The following ALKBH8 variants were observed in gnomAD, a reference collection of about 807,000 sequenced individuals.
The protein encoded by ALKBH8 is tRNA (carboxymethyluridine(34)-5-O)-methyltransferase ALKBH8.
Under a neutral mutation model 59.8 loss-of-function variants are expected in ALKBH8, and 36 were observed. The observed-to-expected ratio is 0.60, with a 90% CI of 0.46 to 0.79. ALKBH8 has a LOEUF of 0.79. ALKBH8 is among the 30% of genes least tolerant of loss of function. The pLI, the probability that ALKBH8 is intolerant of heterozygous loss-of-function variation, is 0.00. For missense variants in ALKBH8, 768 were observed against 801.0 expected, an observed-to-expected ratio of 0.96 and a Z score of 0.50; for synonymous variants, 276 against 273.6, an observed-to-expected ratio of 1.01 and a Z score of -0.09.
intron 2 of ALKBH8, among the ~76,000 whole-genome samples, chr11:107,560,199 C>T (rs1864881520): frequency 6.6e-6 from 1 of 152,118 alleles, no homozygotes; most frequent in South Asian, 2.1e-4. Context: ...TCTCACGATC[C>T]TCACATTTAT....
At chr11:107,557,546 T>C (rs1289887761) in intron 2 of ALKBH8, among the ~76,000 whole-genome samples, 1 of 152,148 alleles carries the variant, frequency 6.6e-6, no homozygotes, top group African/African-American at 2.4e-5. Flanking sequence ...ATCCGCACTT[T>C]TAATATAACC....
chr11:107,505,188 T>C lies in ALKBH8; in HGVS notation c.1465A>G (p.Ile489Val). 6.5e-7 allele frequency: 1 copy of C among 1,547,714 alleles called. No individual in the cohort carries two copies. The highest frequency in any genetic ancestry group is 1.4e-5 in the African/African-American group (1 of 72,972). ...AERRVAALQE[I>V]VRLLRPGGKA... The stretch of plus-strand genomic sequence containing the variant: ...CCACCTGGTCTCAGGAGTCGAACAA[T>C]TTCTTGGAGAGCTGCCACTCTACGC... The change falls in exon 12 of 12, where the codon ATT becomes GTT. Residue 489 changes from isoleucine to valine, a missense_variant. By Grantham distance (29) the Ile-to-Val change is conservative. Coordinates refer to ENST00000428149, the MANE Select transcript of ALKBH8 (RefSeq NM_138775.3).
At chr11:107,533,572 G>A (rs957860929) in intron 7 of ALKBH8, among the ~76,000 whole-genome samples, 1 of 152,118 alleles carries the variant, frequency 6.6e-6, no homozygotes, top group Admixed American at 6.5e-5. Flanking sequence ...TGTTCCAGAT[G>A]TCTACATATA....
intron 7 of ALKBH8, among the ~76,000 whole-genome samples, chr11:107,532,668 C>T (rs901032546): frequency 1.3e-5 from 2 of 152,184 alleles, no homozygotes; most frequent in Non-Finnish European, 2.9e-5. Flanking sequence ...ATCTAATAAT[C>T]ACCCCAAGAA....
intron 3 of ALKBH8, among the ~76,000 whole-genome samples, chr11:107,555,950 A>G (rs1162976966): frequency 1.3e-5 from 2 of 152,234 alleles, no homozygotes; most frequent in East Asian, 1.9e-4. Context: ...CATTTCTACC[A>G]TCACAGGAAG....
chr11:107,522,637 A>G (rs145855865), intron 9 of ALKBH8, 82 bp from the exon 10 acceptor site: 2 of 1,418,192 alleles, frequency 1.4e-6, no homozygotes, highest in African/African-American at 2.9e-5. Context: ...GAAAAAAAAA[A>G]ATCAATGCAA....
At chr11:107,517,145 A>G (rs1318072773) in intron 10 of ALKBH8, among the ~76,000 whole-genome samples, 1 of 152,274 alleles carries the variant, frequency 6.6e-6, no homozygotes, top group East Asian at 1.9e-4. Context: ...AGACATACAA[A>G]TGGCCAAGTA....
intron 7 of ALKBH8, among the ~76,000 whole-genome samples, chr11:107,548,322 G>C (rs776116113): frequency 5.9e-5 from 9 of 152,208 alleles, no homozygotes; most frequent in African/African-American, 1.7e-4. Context: ...CAGAGGTGAA[G>C]TATTAACAAG....
chr11:107,519,733 G>T (rs1023579881), intron 10 of ALKBH8, among the ~76,000 whole-genome samples: 1 of 152,084 alleles, frequency 6.6e-6, no homozygotes, highest in African/African-American at 2.4e-5. Flanking sequence ...AAAAGTTTCA[G>T]ATTTTGTAGC....
At chr11:107,526,092 T>C (rs984402503) in intron 8 of ALKBH8, among the ~76,000 whole-genome samples, 3 of 152,036 alleles carry the variant, frequency 2.0e-5, no homozygotes, top group African/African-American at 4.8e-5. Context: ...TTTGGATATA[T>C]AGTTTTATTC....
chr11:107,550,548 C>T (rs1010682234), intron 6 of ALKBH8, among the ~76,000 whole-genome samples: 1 of 152,184 alleles, frequency 6.6e-6, no homozygotes, highest in African/African-American at 2.4e-5. Flanking sequence ...GGCCTCTGTG[C>T]TCTACAGGAA....
At chr11:107,533,946 T>G (rs1301079640) in intron 7 of ALKBH8, among the ~76,000 whole-genome samples, 2 of 152,092 alleles carry the variant, frequency 1.3e-5, no homozygotes, top group Non-Finnish European at 2.9e-5. Context: ...CTGGCCAACA[T>G]GGAGAAACCC....
In ALKBH8 at chr11:107,516,478, G is replaced by C. The variant is rs541389919; in HGVS notation, c.1288-5442C>G. On this transcript the variant is annotated intron_variant, in intron 10 of 11. Transcript: ENST00000428149. Reference sequence around the variant, plus strand: ...CTCAAAATGGATGAAAGGCTTAAATGTAAGACCTGAAATTATGAAACTACT... The same window carrying C: ...CTCAAAATGGATGAAAGGCTTAAATCTAAGACCTGAAATTATGAAACTACT... Among the ~76,000 whole-genome samples the C allele has an allele frequency of 3.5e-4, 54 of 152,320 alleles. No homozygotes were observed. The South Asian group carries it at 0.011, about 30-fold the overall frequency.
At chr11:107,558,653 G>A (rs1864809902) in intron 2 of ALKBH8, among the ~76,000 whole-genome samples, 1 of 152,154 alleles carries the variant, frequency 6.6e-6, no homozygotes, top group African/African-American at 2.4e-5. Context: ...TGCGGTAGAA[G>A]AGGAGAGGAA....
intron 10 of ALKBH8, among the ~76,000 whole-genome samples, chr11:107,516,025 C>T (rs1187314289): frequency 6.6e-6 from 1 of 152,152 alleles, no homozygotes; most frequent in Non-Finnish European, 1.5e-5. Flanking sequence ...ATAATAACCA[C>T]CTTTTCCTGA....
At chr11:107,558,592 C>T (rs1359325564) in intron 2 of ALKBH8, among the ~76,000 whole-genome samples, 4 of 152,044 alleles carry the variant, frequency 2.6e-5, no homozygotes, top group Non-Finnish European at 5.9e-5. Context: ...CTCTAAGATG[C>T]CGTCTGAGTG....
chr11:107,520,048 A>C (rs1863042027), intron 10 of ALKBH8, among the ~76,000 whole-genome samples: 3 of 152,190 alleles, frequency 2.0e-5, no homozygotes, highest in Admixed American at 2.0e-4. Context: ...CTAGATCCTA[A>C]AGGTAATTTT....
intron 7 of ALKBH8, among the ~76,000 whole-genome samples, chr11:107,546,941 A>T (rs1864283860): frequency 6.6e-6 from 1 of 152,186 alleles, no homozygotes; most frequent in East Asian, 1.9e-4. Context: ...TATTAAAGTT[A>T]AGAATACCTC....
At chr11:107,559,397 A>G (rs751558628) in intron 2 of ALKBH8, among the ~76,000 whole-genome samples, 15 of 152,238 alleles carry the variant, frequency 9.9e-5, no homozygotes, top group Non-Finnish European at 2.1e-4. Context: ...AAGCCTAAAT[A>G]AAATGCTACT....
Sources: allele counts gnomAD v4.1 joint callset (sites outside exome capture counted in the v4.1 genomes callset), GRCh38; gene constraint gnomAD v4.1.1; transcripts MANE v1.5; gene names NCBI Gene and HGNC (gene_info 2026-07-23, HGNC 2026-07-21).